ZMAT4: variants seen among roughly 807,000 people sequenced by gnomAD.
The protein encoded by ZMAT4 is zinc finger matrin-type 4.
In ZMAT4, 17 loss-of-function variants were observed where a neutral mutation model predicts 28.7. That is an observed-to-expected ratio of 0.59 (90% CI 0.41 to 0.89). The LOEUF is 0.89. Ranked by LOEUF, ZMAT4 falls within the 40% of genes least tolerant of loss-of-function variation. The probability of loss-of-function intolerance (pLI) is 0.00; values close to 1 mark genes in which losing one functional copy is unlikely to be tolerated. For synonymous variants in ZMAT4, 117 were observed against 109.2 expected (o/e 1.07, Z -0.44); for missense variants, 240 against 283.8 (o/e 0.85, Z 1.11).
intron 1 of ZMAT4, among the ~76,000 whole-genome samples, chr8:40,869,204 C>T (rs1250548464): frequency 6.6e-6 from 1 of 152,174 alleles, no homozygotes; most frequent in East Asian, 1.9e-4. Flanking sequence ...ATCCAGACAA[C>T]CTTCATCTTC....
chr8:40,840,584 G>T (rs2150626074), intron 1 of ZMAT4, among the ~76,000 whole-genome samples: 1 of 152,204 alleles, frequency 6.6e-6, no homozygotes, highest in Middle Eastern at 3.4e-3. Flanking sequence ...ATTAGACATT[G>T]GCAACCTGCT....
At chr8:40,863,514 G>A (rs1644676863) in intron 1 of ZMAT4, among the ~76,000 whole-genome samples, 1 of 152,192 alleles carries the variant, frequency 6.6e-6, no homozygotes, top group South Asian at 2.1e-4. Context: ...GGGCAGAGAA[G>A]AACACAAGAG....
chr8:40,776,960 CGTAT>C (rs1272592458), intron 2 of ZMAT4, among the ~76,000 whole-genome samples: 1 of 149,488 alleles, frequency 6.7e-6, no homozygotes, highest in African/African-American at 2.5e-5. Context: ...GAGTTTATTG[CGTAT>C]GTAACAAAAT....
chr8:40,746,338 T>G (rs957900159), intron 3 of ZMAT4, among the ~76,000 whole-genome samples: 1 of 141,642 alleles, frequency 7.1e-6, no homozygotes, highest in African/African-American at 2.6e-5. Context: ...TTCCTTTCCT[T>G]TCCTTTCCTT....
At chr8:40,686,921 CCT>C (rs1476935617) in intron 4 of ZMAT4, among the ~76,000 whole-genome samples, 1 of 151,884 alleles carries the variant, frequency 6.6e-6, no homozygotes, top group Non-Finnish European at 1.5e-5. Context: ...TAACTGCTGC[CCT>C]GTGTTCTTTC....
intron 3 of ZMAT4, among the ~76,000 whole-genome samples, chr8:40,713,126 AAACAGT>A (rs1271147613): frequency 6.6e-6 from 1 of 152,204 alleles, no homozygotes; most frequent in African/African-American, 2.4e-5. Flanking sequence ...CAAGTTAATA[AAACAGT>A]CAGAGCCAAA....
At chr8:40,598,893 A>G (rs1805195384) in intron 5 of ZMAT4, among the ~76,000 whole-genome samples, 1 of 152,184 alleles carries the variant, frequency 6.6e-6, no homozygotes, top group African/African-American at 2.4e-5. Context: ...GCCAGTACGA[A>G]TGTCTGCTAT....
chr8:40,689,130 G>T (rs1354452322), intron 4 of ZMAT4, among the ~76,000 whole-genome samples: 2 of 152,252 alleles, frequency 1.3e-5, no homozygotes, highest in Non-Finnish European at 1.5e-5. Context: ...CATGGTCTAG[G>T]TTGAAACGGA....
intron 2 of ZMAT4, 99 bp downstream of exon 2, chr8:40,825,476 T>A: frequency 1.0e-6 from 1 of 988,166 alleles, no homozygotes; most frequent in South Asian, 1.5e-5. Context: ...GTTCTTCAAA[T>A]GTGCCCCAAG....
At chr8:40,734,868 G>T (rs572363360) in intron 3 of ZMAT4, among the ~76,000 whole-genome samples, 33 of 152,266 alleles carry the variant, frequency 2.2e-4, no homozygotes, top group African/African-American at 7.2e-4. Context: ...CATTAATACA[G>T]AAATTAAATA....
intron 5 of ZMAT4, among the ~76,000 whole-genome samples, chr8:40,616,434 C>A (rs1806008284): frequency 6.6e-6 from 1 of 152,190 alleles, no homozygotes; most frequent in Non-Finnish European, 1.5e-5. Context: ...GATACATGCA[C>A]ATGTATGTTT....
intron 3 of ZMAT4, among the ~76,000 whole-genome samples, chr8:40,763,901 C>T (rs1042026331): frequency 2.0e-5 from 3 of 151,930 alleles, no homozygotes; most frequent in Non-Finnish European, 4.4e-5. Flanking sequence ...ATCTTAACCC[C>T]ACATAAAAAT....
intron 3 of ZMAT4, among the ~76,000 whole-genome samples, chr8:40,701,720 G>A (rs1258738337): frequency 5.9e-5 from 9 of 151,704 alleles, no homozygotes; most frequent in Non-Finnish European, 1.2e-4. Context: ...GTTTCACCAT[G>A]TTGGCCAAGC....
At chr8:40,648,209 C>A (rs994218813) in intron 5 of ZMAT4, among the ~76,000 whole-genome samples, 1 of 151,906 alleles carries the variant, frequency 6.6e-6, no homozygotes, top group African/African-American at 2.4e-5. Context: ...CTAGAATAAC[C>A]AATACAGAGA....
At chr8:40,761,098 G>A (rs1358602876) in intron 3 of ZMAT4, among the ~76,000 whole-genome samples, 2 of 152,020 alleles carry the variant, frequency 1.3e-5, no homozygotes. Flanking sequence ...ATAACAAAAG[G>A]CAATAAAGGG....
At chr8:40,769,014 C>A (rs1482684495) in intron 2 of ZMAT4, among the ~76,000 whole-genome samples, 2 of 152,286 alleles carry the variant, frequency 1.3e-5, no homozygotes, top group Non-Finnish European at 2.9e-5. Context: ...CCTTCCTGTC[C>A]ATTTTCCTCA....
chr8:40,798,069 G>T (rs1442081648), intron 2 of ZMAT4, among the ~76,000 whole-genome samples: 1 of 152,160 alleles, frequency 6.6e-6, no homozygotes, highest in Non-Finnish European at 1.5e-5. Context: ...GGAAGCAAGA[G>T]GGCACAGTAT....
At chr8:40,748,191 T>C (rs1812317271) in intron 3 of ZMAT4, among the ~76,000 whole-genome samples, 1 of 152,204 alleles carries the variant, frequency 6.6e-6, no homozygotes, top group African/African-American at 2.4e-5. Context: ...GATTTTTCTT[T>C]TAACTATGCT....
intron 5 of ZMAT4, among the ~76,000 whole-genome samples, chr8:40,637,498 C>T (rs1174884720): frequency 6.6e-6 from 1 of 152,176 alleles, no homozygotes; most frequent in Non-Finnish European, 1.5e-5. Flanking sequence ...TGTGCACCTA[C>T]CACTCCTTGT....
Sources: allele counts gnomAD v4.1 joint callset (sites outside exome capture counted in the v4.1 genomes callset), GRCh38; gene constraint gnomAD v4.1.1; transcripts MANE v1.5; gene names NCBI Gene and HGNC (gene_info 2026-07-23, HGNC 2026-07-21).